The following ERMARD variants were observed in gnomAD, a reference collection of about 807,000 sequenced individuals.
ERMARD encodes endoplasmic reticulum membrane-associated RNA degradation protein.
In ERMARD, 71 loss-of-function variants were observed where a neutral mutation model predicts 83.9. That is an observed-to-expected ratio of 0.85 (90% CI 0.70 to 1.03). The LOEUF is 1.03. ERMARD is among the 50% of genes least tolerant of loss of function. The pLI is 0.00. For synonymous variants in ERMARD, 284 were observed against 298.6 expected (o/e 0.95, Z 0.50); for missense variants, 838 against 810.9 (o/e 1.03, Z -0.41).
At position 169,756,397 on chromosome 6, in the gene ERMARD, C is replaced by T. The variant is rs1790816301; in HGVS notation, c.375C>T (p.Ser125=). Residue 125 remains serine (S), a synonymous_variant, in exon 4 of 18, where the codon AGC becomes AGT. Transcript: ENST00000366773. ...ESLQSPAISL[S]LMKLTSCLER... is the part of the protein sequence containing the mutation. ...TACAATCTCCTGCTATTTCTCTTAG[C>T]TTAATGAAACTGACATCGTGTCTAG... is the stretch of plus-strand genomic sequence containing the variant. 5.6e-6 allele frequency: 9 copies of T among 1,611,806 alleles called. No individual in the cohort carries two copies. In the Admixed American group the frequency reaches 1.5e-4, roughly 27 times the overall value.
intron 11 of ERMARD, 41 bp from the exon 12 acceptor site, chr6:169,769,499 C>T (rs779670524): frequency 1.1e-5 from 17 of 1,548,820 alleles, no homozygotes; most frequent in Admixed American, 5.7e-5. Flanking sequence ...CTCTCTGCTG[C>T]GGATACTAAC....
intron 9 of ERMARD, among the ~76,000 whole-genome samples, chr6:169,764,968 C>T (rs1363965902): frequency 6.6e-6 from 1 of 152,246 alleles, no homozygotes; most frequent in Non-Finnish European, 1.5e-5. Context: ...TGCATTTCTG[C>T]AGAGGTCTCT....
intron 10 of ERMARD, 108 bp from the exon 11 acceptor site, chr6:169,767,995 C>A: frequency 1.2e-6 from 1 of 839,986 alleles, no homozygotes; most frequent in Non-Finnish European, 2.0e-6. Context: ...TTTGCTTAGA[C>A]CTTAGATAAC....
chr6:169,778,137 A>T (rs533510181), intron 16 of ERMARD, among the ~76,000 whole-genome samples: 1 of 152,304 alleles, frequency 6.6e-6, no homozygotes, highest in Admixed American at 6.5e-5. Context: ...GACAGGAGAA[A>T]ACCCATGCCG....
At chr6:169,753,805 T>C (rs1642471582) in intron 1 of ERMARD, 59 bp from the exon 2 acceptor site, 21 of 1,334,978 alleles carry the variant, frequency 1.6e-5, no homozygotes, top group South Asian at 4.9e-5. Flanking sequence ...GTCTGAAATA[T>C]ATAATACTCT....
intron 10 of ERMARD, 128 bp from the exon 11 acceptor site, chr6:169,767,975 G>A (rs1792430628): frequency 4.4e-6 from 3 of 688,676 alleles, no homozygotes; most frequent in African/African-American, 1.8e-5. Flanking sequence ...TTTAAAGACT[G>A]TCCATTTAAT....
At chr6:169,752,821 A>T (rs1202648993) in intron 1 of ERMARD, among the ~76,000 whole-genome samples, 1 of 152,214 alleles carries the variant, frequency 6.6e-6, no homozygotes, top group African/African-American at 2.4e-5. Flanking sequence ...TTAATTCTCC[A>T]TGGAAAACCA....
At position 169,759,017 on chromosome 6, in the gene ERMARD, G is replaced by C. The variant is rs779208498; in HGVS notation, c.557G>C (p.Arg186Pro). Residue 186 changes from arginine to proline, a missense_variant, in exon 6 of 18, where the codon CGT becomes CCT. Transcript: ENST00000366773. ...GGCTCTCCGTGTGGTCTCAACCTGC[G>C]TAACGTCTTATGGCATGGGTTTGCG... ...FVGSPCGLNL[R>P]NVLWHGFASP... 25 of 1,614,076 alleles carry C rather than the reference G, an allele frequency of 1.5e-5. No homozygotes were observed. Among genetic ancestry groups the C allele is most frequent in the Non-Finnish European group, 1.9e-5 (23 of 1,180,016 alleles).
At chr6:169,772,151 G>C in intron 12 of ERMARD, 1 of 152,360 alleles carries the variant, frequency 6.6e-6, no homozygotes, top group Non-Finnish European at 1.5e-5. Flanking sequence ...ACCGACTTCT[G>C]CGAGCCCTTC....
At chr6:169,756,505 C>T in intron 4 of ERMARD, 66 bp downstream of exon 4, 1 of 1,173,854 alleles carries the variant, frequency 8.5e-7, no homozygotes, top group Admixed American at 2.2e-5. Flanking sequence ...AACTATTTTA[C>T]AGTTGTCCTC....
chr6:169,775,480 A>C, intron 14 of ERMARD, 134 bp downstream of exon 14: 1 of 971,532 alleles, frequency 1.0e-6, no homozygotes, highest in East Asian at 2.6e-5. Flanking sequence ...TGGCTGATGC[A>C]GGCTGTGGGG....
At chr6:169,760,119 C>T in intron 7 of ERMARD, 145 bp downstream of exon 7, 2 of 1,441,550 alleles carry the variant, frequency 1.4e-6, no homozygotes, top group South Asian at 1.4e-5. Context: ...GCTTGAAGAA[C>T]CTCCTACATT....
At chr6:169,763,948 C>T (rs371776318) in intron 9 of ERMARD, among the ~76,000 whole-genome samples, 20 of 152,350 alleles carry the variant, frequency 1.3e-4, no homozygotes, top group African/African-American at 4.8e-4. Flanking sequence ...TGTGAGTTTT[C>T]CTCAGCACCT....
rs1260788416 is a variant in ERMARD, at chr6:169,769,732, A to C, written c.1233+19A>C. The C allele has an allele frequency of 6.4e-7, 1 of 1,566,164 alleles. No individual in the cohort carries two copies. Among genetic ancestry groups the C allele is most frequent in the South Asian group, 1.2e-5 (1 of 82,636 alleles). On this transcript the variant is annotated intron_variant, in intron 12 of 17. Coordinates refer to ENST00000366773, the MANE Select transcript of ERMARD (RefSeq NM_018341.3). ...TTTTAAGGTAATTTATAGGGAAGAAAATCATTAATTAGATTAACTCATTCA... is the reference window on the plus strand; with the variant it reads ...TTTTAAGGTAATTTATAGGGAAGAACATCATTAATTAGATTAACTCATTCA...
intron 2 of ERMARD, among the ~76,000 whole-genome samples, chr6:169,754,309 A>G (rs770494790): frequency 2.3e-4 from 34 of 151,064 alleles, no homozygotes; most frequent in Non-Finnish European, 2.4e-4. Context: ...TGTAGATCTC[A>G]GGGCCTTGAG....
intron 1 of ERMARD, 40 bp downstream of exon 1, chr6:169,751,703 C>A: frequency 6.5e-7 from 1 of 1,533,060 alleles, no homozygotes; most frequent in Non-Finnish European, 8.8e-7. Flanking sequence ...CCGAGCTAGG[C>A]AGGGAGTCGG....
intron 9 of ERMARD, among the ~76,000 whole-genome samples, chr6:169,765,359 T>G (rs539536051): frequency 1.3e-5 from 2 of 152,364 alleles, no homozygotes; most frequent in Admixed American, 1.3e-4. Flanking sequence ...AATAAGACAC[T>G]GCAGATGCTG....
intron 9 of ERMARD, among the ~76,000 whole-genome samples, chr6:169,765,717 G>T (rs574794987): frequency 1.3e-5 from 2 of 152,208 alleles, no homozygotes; most frequent in Non-Finnish European, 2.9e-5. Context: ...ATTTAAAATA[G>T]ATTATTAAAC....
intron 9 of ERMARD, among the ~76,000 whole-genome samples, chr6:169,763,319 G>T (rs187094663): frequency 6.6e-6 from 1 of 152,064 alleles, no homozygotes; most frequent in Non-Finnish European, 1.5e-5. Flanking sequence ...CCTCTGTGTC[G>T]TCTTCCAGTG....
Sources: gnomAD v4.1 joint callset for allele counts (sites outside exome capture counted in the v4.1 genomes callset) on GRCh38, gnomAD v4.1.1 for gene constraint, MANE v1.5 for transcripts, NCBI Gene and HGNC (gene_info 2026-07-23, HGNC 2026-07-21) for gene names.